The following NT5C2 variants were observed in gnomAD, a reference collection of about 807,000 sequenced individuals.
NT5C2 encodes the protein 5'-nucleotidase, cytosolic II, also known as cytosolic purine 5'-nucleotidase.
In NT5C2, 58 loss-of-function variants were observed where a neutral mutation model predicts 76.1. The observed-to-expected ratio is 0.76, with a 90% CI of 0.62 to 0.95. NT5C2 has a LOEUF of 0.95. Among genes scored for constraint, NT5C2 ranks in the 40% least tolerant of loss-of-function variants. NT5C2 has a pLI of 0.00. For synonymous variants in NT5C2, 229 were observed against 237.4 expected, an observed-to-expected ratio of 0.96 and a Z score of 0.32; for missense variants, 478 against 690.3, an observed-to-expected ratio of 0.69 and a Z score of 3.45.
chr10:103,139,529 CAA>C lies in NT5C2; in HGVS notation c.102-52_102-51del, dbSNP rs1488327995. 9 of 1,248,076 alleles carry C rather than the reference CAA, an allele frequency of 7.2e-6. No homozygotes were observed. In the African/African-American group the frequency reaches 1.4e-4, roughly 19 times the overall value. The allele number at this position is 1,248,076 out of a possible 1,614,324, so 77.3% of individuals were successfully genotyped here. A position where few individuals can be genotyped will look rare whatever the true frequency, so the allele number is the denominator to read the frequency against. ...ATCTCAACACTGGAAAATAAATTCT[CAA>C]GTTTAATAAAGTTATTTGGCTATTT... On this transcript the variant is annotated intron_variant, in intron 3 of 18. Transcript: ENST00000404739.
intron 3 of NT5C2, chr10:103,153,393 G>A (rs992671036): frequency 1.7e-6 from 2 of 1,178,884 alleles, no homozygotes; most frequent in Non-Finnish European, 2.1e-6. Context: ...ATTTGTTAAA[G>A]CACAGAGAAC....
intron 2 of NT5C2, among the ~76,000 whole-genome samples, chr10:103,178,302 C>T (rs1591810799): frequency 6.6e-6 from 1 of 152,208 alleles, no homozygotes; most frequent in African/African-American, 2.4e-5. Flanking sequence ...AATCCCATCA[C>T]TTTGGGAGGC....
At chr10:103,154,727 A>G (rs987878518) in intron 3 of NT5C2, among the ~76,000 whole-genome samples, 1 of 152,248 alleles carries the variant, frequency 6.6e-6, no homozygotes, top group African/African-American at 2.4e-5. Flanking sequence ...CCTCATTAAT[A>G]TATCTCATGG....
intron 3 of NT5C2, among the ~76,000 whole-genome samples, chr10:103,150,398 A>C (rs912572874): frequency 6.6e-6 from 1 of 152,078 alleles, no homozygotes; most frequent in African/African-American, 2.4e-5. Context: ...CATTGTATGG[A>C]TATACCACAA....
intron 2 of NT5C2, among the ~76,000 whole-genome samples, chr10:103,178,060 T>G (rs1045402411): frequency 6.6e-6 from 1 of 152,226 alleles, no homozygotes; most frequent in Non-Finnish European, 1.5e-5. Flanking sequence ...TTCTTTCAGT[T>G]GGCATAGTAT....
At chr10:103,168,966 T>C (rs1266573642) in intron 3 of NT5C2, among the ~76,000 whole-genome samples, 1 of 152,180 alleles carries the variant, frequency 6.6e-6, no homozygotes, top group Non-Finnish European at 1.5e-5. Context: ...TTCTACAAAT[T>C]GACTTAACTA....
chr10:103,158,345 C>T (rs1157437159), intron 3 of NT5C2, among the ~76,000 whole-genome samples: 1 of 151,764 alleles, frequency 6.6e-6, no homozygotes, highest in East Asian at 1.9e-4. Context: ...CAAAATCAAC[C>T]CAAATCAAAC....
At chr10:103,170,145 TA>T (rs1319812490) in intron 3 of NT5C2, among the ~76,000 whole-genome samples, 2 of 151,848 alleles carry the variant, frequency 1.3e-5, no homozygotes, top group African/African-American at 2.4e-5. Context: ...TTAATTAATT[TA>T]AAAAAATAAT....
At chr10:103,191,709 A>AC (rs35291480) in intron 1 of NT5C2, among the ~76,000 whole-genome samples, 149 of 150,182 alleles carry the variant, frequency 9.9e-4, no homozygotes, top group Non-Finnish European at 1.5e-3. Flanking sequence ...CTCCTTCAGA[A>AC]CCCCCCCCAC....
chr10:103,166,642 AT>A (rs2086471177), intron 3 of NT5C2, among the ~76,000 whole-genome samples: 1 of 152,228 alleles, frequency 6.6e-6, no homozygotes, highest in South Asian at 2.1e-4. Flanking sequence ...AGAGTTTTGA[AT>A]TTTTTTCTTT....
chr10:103,189,993 CTTTCTT>C (rs1158547799), intron 1 of NT5C2, among the ~76,000 whole-genome samples: 8 of 110,748 alleles, frequency 7.2e-5, no homozygotes, highest in African/African-American at 2.8e-4. Flanking sequence ...AATTTTGTGG[CTTTCTT>C]TTTTTTTTTT....
intron 2 of NT5C2, among the ~76,000 whole-genome samples, chr10:103,180,502 T>C (rs1369832301): frequency 6.6e-6 from 1 of 152,118 alleles, no homozygotes; most frequent in African/African-American, 2.4e-5. Flanking sequence ...GAGGCCAAGA[T>C]GGGTGGATTG....
At chr10:103,138,228 T>C (rs11598702) in intron 4 of NT5C2, among the ~76,000 whole-genome samples, 46,159 of 152,048 alleles carry the variant, frequency 0.3, 7,373 homozygotes, top group Non-Finnish European at 0.37. Flanking sequence ...GCATATACCC[T>C]AGGTACAGAA....
At chr10:103,139,638 G>A (rs891168537) in intron 3 of NT5C2, among the ~76,000 whole-genome samples, 159 bp from the exon 4 acceptor site, 1 of 152,058 alleles carries the variant, frequency 6.6e-6, no homozygotes, top group African/African-American at 2.4e-5. Flanking sequence ...ACGACATGCT[G>A]TTTGATATAC....
At chr10:103,156,749 CT>C (rs1255946889) in intron 3 of NT5C2, among the ~76,000 whole-genome samples, 2 of 129,844 alleles carry the variant, frequency 1.5e-5, no homozygotes, top group Non-Finnish European at 3.3e-5. Flanking sequence ...GAGCGAAACT[CT>C]ATCTCAAAAA....
chr10:103,102,946 G>A (rs1422087919), intron 6 of NT5C2, among the ~76,000 whole-genome samples: 1 of 151,804 alleles, frequency 6.6e-6, no homozygotes, highest in Non-Finnish European at 1.5e-5. Flanking sequence ...ACCACTTAGT[G>A]TGCAGAGAAG....
chr10:103,149,124 T>C (rs150959005), intron 3 of NT5C2, among the ~76,000 whole-genome samples: 38 of 152,276 alleles, frequency 2.5e-4, no homozygotes, highest in African/African-American at 8.9e-4. Flanking sequence ...GAATTTATAC[T>C]ATCAGGATGG....
intron 4 of NT5C2, among the ~76,000 whole-genome samples, chr10:103,116,793 T>C (rs2074464831): frequency 6.6e-6 from 1 of 151,774 alleles, no homozygotes; most frequent in Non-Finnish European, 1.5e-5. Flanking sequence ...CAGGCTGGTC[T>C]AGAACTCCTG....
At chr10:103,171,993 T>C (rs1451280609) in intron 3 of NT5C2, among the ~76,000 whole-genome samples, 1 of 152,018 alleles carries the variant, frequency 6.6e-6, no homozygotes, top group Non-Finnish European at 1.5e-5. Flanking sequence ...GTAGATCACC[T>C]GATATCAGGA....
Sources: gnomAD v4.1 joint callset for allele counts (sites outside exome capture counted in the v4.1 genomes callset) on GRCh38, gnomAD v4.1.1 for gene constraint, MANE v1.5 for transcripts, NCBI Gene and HGNC (gene_info 2026-07-23, HGNC 2026-07-21) for gene names.